AKAP6: variants seen among roughly 807,000 people sequenced by gnomAD.
AKAP6 encodes the protein A-kinase anchoring protein 6.
A neutral mutation model predicts 188.5 loss-of-function variants in AKAP6; 58 were observed. The observed-to-expected ratio is 0.31, with a 90% CI of 0.25 to 0.38. The LOEUF (loss-of-function observed/expected upper bound fraction) is 0.38. AKAP6 is among the 10% of genes least tolerant of loss of function. AKAP6 has a pLI of 1.00. For synonymous variants in AKAP6, 989 were observed against 998.6 expected, an observed-to-expected ratio of 0.99 and a Z score of 0.18; for missense variants, 2,710 against 2,740.0, an observed-to-expected ratio of 0.99 and a Z score of 0.24.
chr14:32,806,003 G>A (rs904075543), intron 12 of AKAP6, among the ~76,000 whole-genome samples: 7 of 152,156 alleles, frequency 4.6e-5, no homozygotes, highest in African/African-American at 1.7e-4. Context: ...TACTATTAAT[G>A]TATCACTGCT....
At chr14:32,387,827 T>C (rs971973287) in intron 1 of AKAP6, among the ~76,000 whole-genome samples, 1 of 151,460 alleles carries the variant, frequency 6.6e-6, no homozygotes, top group Admixed American at 6.6e-5. Context: ...TTATGTCTTT[T>C]CCTGGTTTTG....
chr14:32,559,713 G>A (rs1044789815), intron 4 of AKAP6, among the ~76,000 whole-genome samples: 4 of 151,374 alleles, frequency 2.6e-5, no homozygotes, highest in East Asian at 3.9e-4. Context: ...CCTGGGGTTG[G>A]GTATTTTTTA....
At chr14:32,498,817 G>C (rs1424436249) in intron 2 of AKAP6, among the ~76,000 whole-genome samples, 1 of 152,122 alleles carries the variant, frequency 6.6e-6, no homozygotes, top group Non-Finnish European at 1.5e-5. Context: ...CAAGGTGTAA[G>C]AGCCAAAAAC....
rs548901284 is a variant in AKAP6, at chr14:32,769,150, C to T, written c.3373-4528C>T. ...GCAACCTCCACCTCCTGGGCTCAAG[C>T]CATTCTCCTGCCTCAGCCTCCCGAG... is the stretch of plus-strand genomic sequence containing the variant. On this transcript the variant is annotated intron_variant, in intron 11 of 13. Transcript: ENST00000280979. 3.8e-4 allele frequency among the ~76,000 whole-genome samples: 56 copies of T among 146,934 alleles called. 3 individuals are homozygous for T. In the South Asian group the frequency reaches 0.012, roughly 31 times the overall value.
At chr14:32,401,266 A>T (rs936246515) in intron 1 of AKAP6, among the ~76,000 whole-genome samples, 7 of 152,154 alleles carry the variant, frequency 4.6e-5, no homozygotes, top group Admixed American at 4.6e-4. Context: ...AATAGAAAAA[A>T]AATTAAAAAT....
At chr14:32,335,366 T>A (rs1781944659) in intron 1 of AKAP6, among the ~76,000 whole-genome samples, 1 of 152,200 alleles carries the variant, frequency 6.6e-6, no homozygotes, top group Non-Finnish European at 1.5e-5. Flanking sequence ...CAGTCCCATA[T>A]GGCCCTTTTG....
chr14:32,835,408 GC>G lies in AKAP6; in HGVS notation c.*5604del, dbSNP rs146704663. ...AAATTTAGTTCACTATTACTGCCTG[GC>G]TTTGATTGATTTAGAGGGTTAGTCA... On this transcript the variant is annotated 3_prime_UTR_variant, in exon 14 of 14. Transcript: ENST00000280979. 6.6e-6 allele frequency: 1 copy of G among 152,146 alleles called. No homozygotes were observed. The highest frequency in any genetic ancestry group is 1.5e-5 in the Non-Finnish European group (1 of 67,998). The allele number at this position is 152,146 out of a possible 1,614,324, so 9.4% of individuals were successfully genotyped here.
At chr14:32,331,762 T>G (rs1351396832) in intron 1 of AKAP6, among the ~76,000 whole-genome samples, 1 of 152,070 alleles carries the variant, frequency 6.6e-6, no homozygotes, top group African/African-American at 2.4e-5. Context: ...TCACTGAAAC[T>G]TTCTACAGTT....
At chr14:32,661,626 A>G (rs1594822624) in intron 7 of AKAP6, among the ~76,000 whole-genome samples, 4 of 152,080 alleles carry the variant, frequency 2.6e-5, no homozygotes, top group South Asian at 4.1e-4. Context: ...TTAGTTGTCC[A>G]TGTCTGTGCT....
chr14:32,715,154 A>C (rs1305326984), intron 9 of AKAP6, among the ~76,000 whole-genome samples: 1 of 152,050 alleles, frequency 6.6e-6, no homozygotes, highest in Non-Finnish European at 1.5e-5. Context: ...CAATTTATGA[A>C]GTTTGCATCA....
chr14:32,523,186 G>A (rs1293329872), intron 2 of AKAP6, among the ~76,000 whole-genome samples: 2 of 151,634 alleles, frequency 1.3e-5, no homozygotes, highest in Non-Finnish European at 2.9e-5. Context: ...TTGGGGTGGG[G>A]GAAGGGGGGG....
Position 32,824,482 on chromosome 14 carries a change from G to T in AKAP6, c.6669G>T (p.Glu2223Asp). ...LSSPSSQERA[E>D]VGKEVNGLPQ... ...GTCCTTCCTCTCAGGAAAGAGCTGA[G>T]GTTGGAAAGGAAGTGAATGGTTTGC... The change falls in exon 13 of 14, where the codon GAG (glutamate) becomes GAT (aspartate). Residue 2223 changes from glutamate to aspartate, a missense_variant. Physicochemically the swap from Glu to Asp is conservative, Grantham distance 45 (BLOSUM62 2). Around this residue, in one of 2 missense-constraint regions of AKAP6, gnomAD observed 2,473 missense variants for 2,426.1 expected, o/e 1.02. Transcript: ENST00000280979. 6.2e-7 allele frequency: 1 copy of T among 1,613,970 alleles called. No homozygotes were observed. The highest frequency in any genetic ancestry group is 1.3e-5 in the African/African-American group (1 of 75,030).
At chr14:32,681,703 G>A (rs1275708781) in intron 8 of AKAP6, among the ~76,000 whole-genome samples, 2 of 134,674 alleles carry the variant, frequency 1.5e-5, no homozygotes, top group South Asian at 4.7e-4. Context: ...TTTTGAGATA[G>A]GGTCTCATTC....
intron 1 of AKAP6, among the ~76,000 whole-genome samples, chr14:32,407,857 T>G (rs1889347739): frequency 6.6e-6 from 1 of 152,088 alleles, no homozygotes; most frequent in Non-Finnish European, 1.5e-5. Context: ...TCTACACTGG[T>G]AGGAGGAATG....
At chr14:32,601,897 T>C (rs1885940979) in intron 7 of AKAP6, among the ~76,000 whole-genome samples, 1 of 152,164 alleles carries the variant, frequency 6.6e-6, no homozygotes, top group Admixed American at 6.6e-5. Context: ...TTTACAGCTT[T>C]TGAATCTCAA....
intron 11 of AKAP6, among the ~76,000 whole-genome samples, chr14:32,736,708 C>T (rs1401462888): frequency 6.6e-6 from 1 of 152,066 alleles, no homozygotes; most frequent in Non-Finnish European, 1.5e-5. Flanking sequence ...CTTTTTGGAA[C>T]CAAGCAACCA....
rs1890797666 is a variant in AKAP6 at position 32,447,579 on chromosome 14, G to C, written c.324+13762G>C. On this transcript the variant is annotated intron_variant, in intron 2 of 13. Coordinates refer to ENST00000280979, the MANE Select transcript of AKAP6 (RefSeq NM_004274.5). ...TTTTAAACAATAAGAATGAGATGTT[G>C]GGTAACCTTAATTAAGTTTCTTCAA... Among the ~76,000 whole-genome samples, 3 of 152,146 alleles carry C rather than the reference G, an allele frequency of 2.0e-5. No homozygotes were observed. The South Asian group carries it at 6.2e-4, about 32-fold the overall frequency.
intron 1 of AKAP6, among the ~76,000 whole-genome samples, chr14:32,426,000 A>G (rs1890017533): frequency 6.6e-6 from 1 of 152,168 alleles, no homozygotes; most frequent in South Asian, 2.1e-4. Context: ...TAAGTCTTTA[A>G]TTCATCTTGA....
intron 2 of AKAP6, among the ~76,000 whole-genome samples, chr14:32,505,965 G>C (rs76173744): frequency 0.017 from 2,644 of 152,094 alleles, 38 homozygotes; most frequent in Non-Finnish European, 0.027. Context: ...GGGTTAAGCT[G>C]GGTATTAATC....
Sources: gnomAD v4.1 joint callset for allele counts (sites outside exome capture counted in the v4.1 genomes callset) on GRCh38, gnomAD v4.1.1 for gene constraint, gnomAD v4.1.1 regional missense constraint, MANE v1.5 for transcripts, NCBI Gene and HGNC (gene_info 2026-07-23, HGNC 2026-07-21) for gene names.